The following DNAH6 variants were observed in gnomAD, a reference collection of about 807,000 sequenced individuals.
The protein encoded by DNAH6 is axonemal beta dynein heavy chain 6.
A neutral mutation model predicts 491.4 loss-of-function variants in DNAH6; 340 were observed. That is an observed-to-expected ratio of 0.69 (90% CI 0.63 to 0.76). The LOEUF is 0.76. Among genes scored for constraint, DNAH6 ranks in the 30% least tolerant of loss-of-function variants. The pLI is 0.00. For synonymous variants in DNAH6, 1,603 were observed against 1,686.1 expected, an observed-to-expected ratio of 0.95 and a Z score of 1.21; for missense variants, 4,443 against 4,972.2, an observed-to-expected ratio of 0.89 and a Z score of 3.20.
chr2:84,792,449 T>G (rs2105268373), intron 68 of DNAH6, among the ~76,000 whole-genome samples: 1 of 152,322 alleles, frequency 6.6e-6, no homozygotes, highest in Non-Finnish European at 1.5e-5. Context: ...GTTTACCATA[T>G]GGATTGTGGA....
intron 42 of DNAH6, among the ~76,000 whole-genome samples, chr2:84,684,601 G>A (rs1448750607): frequency 6.6e-6 from 1 of 152,168 alleles, no homozygotes; most frequent in African/African-American, 2.4e-5. Context: ...AAATACCCTA[G>A]TATTCCAAAG....
intron 11 of DNAH6, among the ~76,000 whole-genome samples, chr2:84,571,344 T>G (rs941997538): frequency 1.6e-4 from 25 of 152,176 alleles, no homozygotes; most frequent in African/African-American, 6.0e-4. Context: ...ATAAGCTACT[T>G]ATTGATTTCA....
chr2:84,655,858 A>C (rs1457670274), intron 35 of DNAH6, among the ~76,000 whole-genome samples: 2 of 152,122 alleles, frequency 1.3e-5, no homozygotes, highest in Non-Finnish European at 2.9e-5. Context: ...TGTGCAATTC[A>C]TGGGTTTTGA....
chr2:84,750,972 C>T (rs1213656305), intron 63 of DNAH6: 1 of 152,206 alleles, frequency 6.6e-6, no homozygotes, highest in Non-Finnish European at 1.5e-5. Context: ...AAATTAAGAG[C>T]TAGACACCCA....
At chr2:84,680,209 A>G (rs1279445302) in intron 41 of DNAH6, among the ~76,000 whole-genome samples, 1 of 152,228 alleles carries the variant, frequency 6.6e-6, no homozygotes. Flanking sequence ...AAGATCTCAT[A>G]TATGACACCA....
intron 62 of DNAH6, among the ~76,000 whole-genome samples, chr2:84,742,743 A>G (rs939636030): frequency 6.6e-6 from 1 of 151,114 alleles, no homozygotes; most frequent in African/African-American, 2.4e-5. Flanking sequence ...CTTCAGTTGC[A>G]TCATCCACAC....
At chr2:84,474,694 C>G in the DNAH6 span, among the ~76,000 whole-genome samples, 1 of 152,154 alleles carries the variant, frequency 6.6e-6, no homozygotes, top group East Asian at 1.9e-4. Context: ...TCGTGACCAT[C>G]CGACCCTTGA....
chr2:84,545,083 C>T (rs1340021986), intron 5 of DNAH6, among the ~76,000 whole-genome samples: 2 of 152,052 alleles, frequency 1.3e-5, no homozygotes, highest in African/African-American at 4.8e-5. Flanking sequence ...TCCTACTTGG[C>T]CCCTAGGAAT....
intron 18 of DNAH6, among the ~76,000 whole-genome samples, chr2:84,596,084 C>T (rs1323955337): frequency 6.6e-6 from 1 of 152,006 alleles, no homozygotes; most frequent in African/African-American, 2.4e-5. Context: ...GTGCTCAAAC[C>T]CTTAGGGAGC....
the DNAH6 span, among the ~76,000 whole-genome samples, chr2:84,485,248 C>T: frequency 5.3e-5 from 8 of 152,086 alleles, no homozygotes; most frequent in South Asian, 2.1e-4. Flanking sequence ...TAAGAATTAG[C>T]GTATTAGTCT....
In DNAH6 at chr2:84,706,996, G is replaced by A. The variant is rs959418428; in HGVS notation, c.8828G>A (p.Gly2943Asp). 6 of 1,518,516 alleles carry A rather than the reference G, an allele frequency of 4.0e-6. No individual in the cohort carries two copies. Among genetic ancestry groups the A allele is most frequent in the African/African-American group, 2.8e-5 (2 of 70,686 alleles). The allele number at this position is 1,518,516 out of a possible 1,614,324, so 94.1% of individuals were successfully genotyped here. A position where few individuals can be genotyped will look rare whatever the true frequency, so the allele number is the denominator to read the frequency against. ...GCCTTACAAGATGAATATGACAAAG[G>A]TGTAAATGAAAAAGAAAGCCTGGGT... ...IQALQDEYDKGVNEKESLAKT... is the reference protein window; with the variant it reads ...IQALQDEYDKDVNEKESLAKT... Residue 2943 changes from glycine (G) to aspartate (D), a missense_variant, in exon 53 of 77, where the codon GGT (glycine) becomes GAT (aspartate). Transcript: ENST00000389394.
chr2:84,551,321 A>G (rs1679336782), intron 9 of DNAH6, among the ~76,000 whole-genome samples: 1 of 152,220 alleles, frequency 6.6e-6, no homozygotes, highest in Non-Finnish European at 1.5e-5. Flanking sequence ...ATTTATGCTA[A>G]GTGTACAAAA....
At chr2:84,688,352 C>A in intron 44 of DNAH6, 87 bp from the exon 45 acceptor site, 1 of 1,128,990 alleles carries the variant, frequency 8.9e-7, no homozygotes, top group Non-Finnish European at 1.2e-6. Context: ...TCCAGTGTAG[C>A]TCTTGAAGAA....
In DNAH6 at chr2:84,637,219, T is replaced by C. The variant is rs1364693493; in HGVS notation, c.4663T>C (p.Phe1555Leu). Residue 1555 changes from phenylalanine to leucine, a missense_variant, in exon 31 of 77, where the codon TTC (phenylalanine) becomes CTC (leucine). By Grantham distance (22) the Phe-to-Leu change is conservative. Transcript: ENST00000389394. Reference sequence around the variant, plus strand: ...TTTTATCTTCGAACAGCTCTCTAGATTCATGTTTGAGGGGCGGGAAATAAA... The same window carrying C: ...TTTTATCTTCGAACAGCTCTCTAGACTCATGTTTGAGGGGCGGGAAATAAA... ...RNAKAAKLSR[F>L]MFEGREIKLV... 1 of 1,544,978 alleles carries C rather than the reference T, an allele frequency of 6.5e-7. No homozygotes were observed. Among genetic ancestry groups the C allele is most frequent in the Admixed American group, 2.0e-5 (1 of 50,356 alleles).
chr2:84,602,578 G>A (rs796170510), intron 18 of DNAH6, among the ~76,000 whole-genome samples: 10 of 141,092 alleles, frequency 7.1e-5, no homozygotes, highest in African/African-American at 2.1e-4. Flanking sequence ...ATGCCTAGGT[G>A]TGCATGTGCT....
chr2:84,604,550 AG>A lies in DNAH6; in HGVS notation c.3081+1del. On this transcript the variant is annotated frameshift_variant and splice_region_variant, in exon 19 of 77. Coordinates refer to ENST00000389394, the MANE Select transcript of DNAH6 (RefSeq NM_001370.2). LOFTEE classifies it high-confidence loss of function. ...GCTGCCTTAGAAGCAATTCTTAAAA[AG>A]GTAAATCTGGAATATATATTTATCT... ...GEAALEAILKKVEDSWKTTEF... is the reference protein window; with the variant it reads ...GEAALEAILKXVEDSWKTTEF... The A allele has an allele frequency of 6.5e-7, 1 of 1,549,602 alleles. No homozygotes were observed.
At chr2:84,734,146 CT>C (rs11314819) in intron 62 of DNAH6, among the ~76,000 whole-genome samples, 13,395 of 129,306 alleles carry the variant, frequency 0.1, 368 homozygotes, top group Middle Eastern at 0.15. Flanking sequence ...TAAAACTACA[CT>C]TTTTTTTTTT....
At chr2:84,581,902 G>A (rs4832100) in intron 14 of DNAH6, among the ~76,000 whole-genome samples, 146,806 of 152,316 alleles carry the variant, frequency 0.96, 70,793 homozygotes, top group East Asian at 1. Flanking sequence ...GTTTCATACC[G>A]GTATAGGGAG....
At chr2:84,745,682 A>G (rs985853415) in intron 63 of DNAH6, among the ~76,000 whole-genome samples, 4 of 121,928 alleles carry the variant, frequency 3.3e-5, no homozygotes, top group African/African-American at 1.2e-4. Flanking sequence ...AAAAAAAAAA[A>G]AAGAAACATG....
Sources: gnomAD v4.1 joint callset for allele counts (sites outside exome capture counted in the v4.1 genomes callset) on GRCh38, gnomAD v4.1.1 for gene constraint, MANE v1.5 for transcripts, NCBI Gene and HGNC (gene_info 2026-07-23, HGNC 2026-07-21) for gene names.